Variants in RPS6KA3 observed in about 807,000 individuals in gnomAD.
The protein encoded by RPS6KA3 is ribosomal protein S6 kinase A3, also known as ribosomal protein S6 kinase alpha-3.
A neutral mutation model predicts 67.2 loss-of-function variants in RPS6KA3; 4 were observed. The ratio of observed to expected loss-of-function variants is 0.06; its 90% CI spans 0.03 to 0.14. The LOEUF is 0.14. RPS6KA3 is among the 10% of genes least tolerant of loss of function. The probability of loss-of-function intolerance (pLI) is 1.00; values close to 1 mark genes in which losing one functional copy is unlikely to be tolerated. For missense variants in RPS6KA3, 204 were observed against 559.0 expected, an observed-to-expected ratio of 0.36 and a Z score of 6.40; for synonymous variants, 182 against 183.7, an observed-to-expected ratio of 0.99 and a Z score of 0.07.
rs1416202108 is a variant in RPS6KA3 at position 20,167,568 on chromosome X, T to C, written c.1602+21A>G. 9 of 1,190,676 alleles carry C rather than the reference T, an allele frequency of 7.6e-6. No homozygotes were observed. In the East Asian group the frequency reaches 2.4e-4, roughly 31 times the overall value. ...GGAAAAAAGTGTGTGTATGTACATATAGAGTGGTAAAAAGACTTACCCCTT... is the reference window on the plus strand; with the variant it reads ...GGAAAAAAGTGTGTGTATGTACATACAGAGTGGTAAAAAGACTTACCCCTT... On this transcript the variant is annotated intron_variant, in intron 17 of 21. Coordinates refer to ENST00000379565, the MANE Select transcript of RPS6KA3 (RefSeq NM_004586.3).
intron 1 of RPS6KA3, among the ~76,000 whole-genome samples, chrX:20,265,082 TTTTC>T (rs1373733743): frequency 8.9e-6 from 1 of 112,000 alleles, no homozygotes; most frequent in Non-Finnish European, 1.9e-5. Flanking sequence ...CTTTCTTTCC[TTTTC>T]TTTCAACATA....
chrX:20,259,274 A>T (rs762509583), intron 1 of RPS6KA3, among the ~76,000 whole-genome samples: 2 of 111,707 alleles, frequency 1.8e-5, no homozygotes, highest in South Asian at 7.4e-4. Flanking sequence ...AGTGGCATAA[A>T]GTGGCATATA....
At chrX:20,175,373 A>T (rs2067674047) in intron 13 of RPS6KA3, 85 bp from the exon 14 acceptor site, 13 of 969,282 alleles carry the variant, frequency 1.3e-5, no homozygotes, top group Non-Finnish European at 1.9e-5. Flanking sequence ...TTTTTCACTT[A>T]TTCTGGAATT....
At chrX:20,196,961 T>C (rs1182580620) in intron 4 of RPS6KA3, among the ~76,000 whole-genome samples, 3 of 111,702 alleles carry the variant, frequency 2.7e-5, no homozygotes, top group Non-Finnish European at 5.6e-5. Context: ...TGCCTCAGCT[T>C]CCCGAGCAGC....
rs1410452489 is a variant in RPS6KA3, at chrX:20,151,571, A to G, written c.*3827T>C. On this transcript the variant is annotated 3_prime_UTR_variant, in exon 22 of 22. Transcript: ENST00000379565. ...ACCAAGGTCAGCCATGGAATCCATCATATTTGTTAATCTGAGAAAACAGAC... is the reference window on the plus strand; with the variant it reads ...ACCAAGGTCAGCCATGGAATCCATCGTATTTGTTAATCTGAGAAAACAGAC... 2 of 112,525 alleles carry G rather than the reference A, an allele frequency of 1.8e-5. No homozygotes were observed. The highest frequency in any genetic ancestry group is 6.5e-5 in the African/African-American group (2 of 30,897). 9.3% of individuals were successfully genotyped at this position (112,525 alleles called of 1,213,427 possible).
At chrX:20,243,002 A>AACCAAC (rs1267926236) in intron 1 of RPS6KA3, among the ~76,000 whole-genome samples, 1 of 111,741 alleles carries the variant, frequency 8.9e-6, no homozygotes, top group Non-Finnish European at 1.9e-5. Context: ...TTAAAAAGTA[A>AACCAAC]ACCAACAACT....
chrX:20,266,969 C>G (rs1485398240), upstream of RPS6KA3: 5 of 749,542 alleles, frequency 6.7e-6, no homozygotes, highest in Non-Finnish European at 7.9e-6. Flanking sequence ...TTCCCGCGCC[C>G]GCTCCCAGCA....
intron 1 of RPS6KA3, among the ~76,000 whole-genome samples, chrX:20,239,256 ACTT>A (rs776801185): frequency 2.6e-4 from 29 of 111,057 alleles, no homozygotes; most frequent in Non-Finnish European, 4.6e-4. Context: ...AGTAAATGTT[ACTT>A]CTTCTCCTCT....
intron 2 of RPS6KA3, among the ~76,000 whole-genome samples, chrX:20,232,567 G>A (rs771277555): frequency 5.4e-5 from 6 of 110,649 alleles, no homozygotes; most frequent in South Asian, 3.9e-4. Context: ...GCAAGACTCC[G>A]TCTCAAAAAA....
intron 2 of RPS6KA3, among the ~76,000 whole-genome samples, chrX:20,224,679 T>C (rs2069067535): frequency 9.0e-6 from 1 of 111,348 alleles, no homozygotes; most frequent in Non-Finnish European, 1.9e-5. Flanking sequence ...AAACCAGAAA[T>C]GGGAAATAAG....
At chrX:20,164,275 A>ATAAGTAAG (rs1388958899) in intron 18 of RPS6KA3, among the ~76,000 whole-genome samples, 1 of 111,318 alleles carries the variant, frequency 9.0e-6, no homozygotes, top group Non-Finnish European at 1.9e-5. Flanking sequence ...TATTGGACCT[A>ATAAGTAAG]TAAGTAAGAG....
At chrX:20,169,747 G>A (rs2067526876) in intron 15 of RPS6KA3, among the ~76,000 whole-genome samples, 1 of 111,697 alleles carries the variant, frequency 9.0e-6, no homozygotes. Context: ...TAAGTTTGTA[G>A]TAAGTTTAGG....
In RPS6KA3 at chrX:20,185,155, C is replaced by T. The variant is rs2067948791; in HGVS notation, c.845+1141G>A. Among the ~76,000 whole-genome samples, 3 of 111,365 alleles carry T rather than the reference C, an allele frequency of 2.7e-5. No individual in the cohort carries two copies. The South Asian group carries it at 1.1e-3, about 43-fold the overall frequency. ...AGAGACAGGGTTTCGCCATGTTGGC[C>T]AGGCTGGTCTCGAACTCTGGACCTC... On this transcript the variant is annotated intron_variant, in intron 10 of 21. Coordinates refer to ENST00000379565, the MANE Select transcript of RPS6KA3 (RefSeq NM_004586.3).
In RPS6KA3 at chrX:20,186,305, A is replaced by G; in HGVS notation, c.836T>C (p.Met279Thr). Residue 279 changes from methionine to threonine, a missense_variant, in exon 10 of 22, where the codon ATG becomes ACG. Transcript: ENST00000379565. ...TTAAGGGAGTACTTACTTAAGAATC[A>G]TAGTCATTGTTTCTTTTCGATCTTT... ...QGKDRKETMTMILKAKLGMPQ... is the reference protein window; with the variant it reads ...QGKDRKETMTTILKAKLGMPQ... 8.6e-7 allele frequency: 1 copy of G among 1,163,080 alleles called. No individual in the cohort carries two copies. Among genetic ancestry groups the G allele is most frequent in the Non-Finnish European group, 1.2e-6 (1 of 851,772 alleles).
intron 1 of RPS6KA3, among the ~76,000 whole-genome samples, chrX:20,258,898 A>G (rs2070146975): frequency 8.9e-6 from 1 of 112,057 alleles, no homozygotes; most frequent in South Asian, 3.6e-4. Context: ...GCAGGGCAGT[A>G]GGCTAGCTTT....
chrX:20,161,558 A>T, intron 20 of RPS6KA3, 86 bp downstream of exon 20: 1 of 397,012 alleles, frequency 2.5e-6, no homozygotes, highest in South Asian at 3.5e-5. Context: ...TTTATAAACA[A>T]AGGTTTCTAA....
chrX:20,259,003 C>T (rs911833919), intron 1 of RPS6KA3, among the ~76,000 whole-genome samples: 3 of 111,401 alleles, frequency 2.7e-5, no homozygotes, highest in African/African-American at 9.8e-5. Context: ...CAGGTAATGT[C>T]AGCAATTGAG....
chrX:20,238,444 A>G lies in RPS6KA3; in HGVS notation c.70-3630T>C, dbSNP rs1001581765. ...AATAAAACTTTATTTAAAATTTTTG[A>G]TTCATCTTTTTCCAGCTCTCATCCA... On this transcript the variant is annotated intron_variant, in intron 1 of 21. Coordinates refer to ENST00000379565, the MANE Select transcript of RPS6KA3 (RefSeq NM_004586.3). Among the ~76,000 whole-genome samples, 3 of 111,028 alleles carry G rather than the reference A, an allele frequency of 2.7e-5. No individual in the cohort carries two copies. In the South Asian group the frequency reaches 1.1e-3, roughly 41 times the overall value.
chrX:20,189,381 T>G (rs997230148), intron 7 of RPS6KA3, among the ~76,000 whole-genome samples: 3 of 112,444 alleles, frequency 2.7e-5, no homozygotes, highest in African/African-American at 9.7e-5. Flanking sequence ...TAGTTTGGGC[T>G]TCTTGTCAAG....
Sources: gnomAD v4.1 joint callset for allele counts (sites outside exome capture counted in the v4.1 genomes callset) on GRCh38, gnomAD v4.1.1 for gene constraint, MANE v1.5 for transcripts, NCBI Gene and HGNC (gene_info 2026-07-23, HGNC 2026-07-21) for gene names.